EPS8: variants seen among roughly 807,000 people sequenced by gnomAD.
EPS8 encodes EGFR pathway substrate 8, signaling adaptor.
In EPS8, 42 loss-of-function variants were observed where a neutral mutation model predicts 103.8. The observed-to-expected ratio is 0.40, with a 90% CI of 0.32 to 0.52. The LOEUF (loss-of-function observed/expected upper bound fraction) is 0.52, where lower values mean the gene tolerates loss of function less well. Ranked by LOEUF, EPS8 falls within the 20% of genes least tolerant of loss-of-function variation. The pLI, the probability that EPS8 is intolerant of heterozygous loss-of-function variation, is 0.40. For missense variants in EPS8, 969 were observed against 1,005.1 expected, an observed-to-expected ratio of 0.96 and a Z score of 0.49; for synonymous variants, 344 against 344.6, an observed-to-expected ratio of 1.00 and a Z score of 0.02.
intron 1 of EPS8, among the ~76,000 whole-genome samples, chr12:15,744,153 A>T (rs1055591709): frequency 1.3e-5 from 2 of 152,238 alleles, no homozygotes; most frequent in African/African-American, 4.8e-5. Flanking sequence ...CAACAGACAC[A>T]TGAAAAAATG....
chr12:15,730,142 A>G (rs142247571), intron 1 of EPS8, among the ~76,000 whole-genome samples: 1 of 152,102 alleles, frequency 6.6e-6, no homozygotes, highest in Non-Finnish European at 1.5e-5. Context: ...ACTTTTCCTT[A>G]GTTTTGATAA....
intron 1 of EPS8, among the ~76,000 whole-genome samples, chr12:15,687,906 G>A (rs572694236): frequency 8.5e-5 from 13 of 152,262 alleles, no homozygotes; most frequent in African/African-American, 3.1e-4. Context: ...TCTATTTATT[G>A]AGTTTTAACT....
chr12:15,744,355 A>C (rs1946854698), intron 1 of EPS8, among the ~76,000 whole-genome samples: 1 of 152,170 alleles, frequency 6.6e-6, no homozygotes, highest in East Asian at 1.9e-4. Flanking sequence ...TCCTTATTTA[A>C]TTGGTCCTTC....
chr12:15,628,928 T>A (rs1379557587), intron 18 of EPS8, among the ~76,000 whole-genome samples: 1 of 152,206 alleles, frequency 6.6e-6, no homozygotes, highest in Non-Finnish European at 1.5e-5. Context: ...CAACATTCAT[T>A]CAGAGAAAAA....
intron 1 of EPS8, among the ~76,000 whole-genome samples, chr12:15,740,274 C>T (rs763297153): frequency 2.6e-5 from 4 of 152,190 alleles, no homozygotes; most frequent in South Asian, 4.1e-4. Flanking sequence ...AGGCTGGGAG[C>T]GGTGGCTCAC....
At chr12:15,665,530 C>G (rs1179967770) in intron 8 of EPS8, 3 of 484,590 alleles carry the variant, frequency 6.2e-6, no homozygotes, top group Non-Finnish European at 1.1e-5. Flanking sequence ...GGGGTTTCAT[C>G]ATATTGGTCA....
At chr12:15,742,196 C>G (rs1946831928) in intron 1 of EPS8, among the ~76,000 whole-genome samples, 1 of 152,196 alleles carries the variant, frequency 6.6e-6, no homozygotes, top group Admixed American at 6.5e-5. Flanking sequence ...GTCTTTATAG[C>G]AGCATGATTT....
rs573276070 is a variant in EPS8, at chr12:15,733,293, G to A, written c.-21-50321C>T. Among the ~76,000 whole-genome samples the A allele has an allele frequency of 4.9e-4, 74 of 152,262 alleles. No homozygotes were observed. The highest frequency in any genetic ancestry group is 1.7e-3 in the African/African-American group (71 of 41,552). ...CGTCTAACAGGTGAGAGGGGACAGT[G>A]TGTGAAGGAGGAACTGTCAAACACT... On this transcript the variant is annotated intron_variant, in intron 1 of 20. Coordinates refer to ENST00000281172, the MANE Select transcript of EPS8 (RefSeq NM_004447.6). The surrounding 1 kb of genome is among the most constrained non-coding windows in gnomAD (Gnocchi z 4.8).
intron 17 of EPS8, among the ~76,000 whole-genome samples, chr12:15,636,470 T>C (rs1011756534): frequency 6.6e-6 from 1 of 152,222 alleles, no homozygotes; most frequent in Non-Finnish European, 1.5e-5. Context: ...AATGTGAGGA[T>C]ATTAAATAGC....
At chr12:15,683,097 A>T in intron 1 of EPS8, 125 bp from the exon 2 acceptor site, 1 of 532,098 alleles carries the variant, frequency 1.9e-6, no homozygotes, top group African/African-American at 2.0e-5. Flanking sequence ...AAAGATAAAG[A>T]TCTCCACCCT....
intron 17 of EPS8, among the ~76,000 whole-genome samples, chr12:15,637,414 C>T (rs1188707728): frequency 6.6e-6 from 1 of 152,228 alleles, no homozygotes; most frequent in African/African-American, 2.4e-5. Context: ...CCAATCCTGG[C>T]TTCATACAGC....
intron 1 of EPS8, among the ~76,000 whole-genome samples, chr12:15,687,224 TAAAG>T (rs1317884136): frequency 9.2e-5 from 14 of 152,138 alleles, no homozygotes; most frequent in African/African-American, 3.4e-4. Flanking sequence ...GTACCATTGG[TAAAG>T]ACGGCACCAT....
rs1455755818 is a variant in EPS8 at position 15,785,119 on chromosome 12, C to A, written c.-22+4042G>T. ...AAACTTTAATGTATGCAAACGTAAG[C>A]AAATCATTTAGAAGGTCAAGGAATC... is the stretch of plus-strand genomic sequence containing the variant. On this transcript the variant is annotated intron_variant, in intron 1 of 20. Coordinates refer to ENST00000281172, the MANE Select transcript of EPS8 (RefSeq NM_004447.6). The surrounding 1 kb of genome is among the most constrained non-coding windows in gnomAD (Gnocchi z 4.9). Among the ~76,000 whole-genome samples, 1 of 152,026 alleles carries A rather than the reference C, an allele frequency of 6.6e-6. No individual in the cohort carries two copies. The highest frequency in any genetic ancestry group is 2.4e-5 in the African/African-American group (1 of 41,420).
intron 6 of EPS8, among the ~76,000 whole-genome samples, chr12:15,667,638 A>G (rs1237163493): frequency 2.0e-5 from 3 of 152,126 alleles, no homozygotes; most frequent in Non-Finnish European, 4.4e-5. Context: ...TTTACTGCAA[A>G]GGTGGGCAGG....
At chr12:15,694,142 T>C (rs1310160169) in intron 1 of EPS8, among the ~76,000 whole-genome samples, 1 of 152,170 alleles carries the variant, frequency 6.6e-6, no homozygotes, top group Non-Finnish European at 1.5e-5. Flanking sequence ...CATTAAGAAA[T>C]ATTTGTCAAT....
intron 3 of EPS8, among the ~76,000 whole-genome samples, chr12:15,677,278 G>A (rs80001659): frequency 0.01 from 1,574 of 152,144 alleles, 35 homozygotes; most frequent in African/African-American, 0.036. Context: ...AGGAAACTGG[G>A]GCCAATCATT....
chr12:15,665,805 A>G lies in EPS8; in HGVS notation c.687T>C (p.Val229=). 6.2e-7 allele frequency: 1 copy of G among 1,613,714 alleles called. No homozygotes were observed. Among genetic ancestry groups the G allele is most frequent in the Non-Finnish European group, 8.5e-7 (1 of 1,179,876 alleles). Residue 229 remains valine (V), a synonymous_variant, in exon 8 of 21, where the codon GTT becomes GTC. Transcript: ENST00000281172. ...APPGTVTQVD[V]RSRVAAWSAW... The stretch of plus-strand genomic sequence containing the variant: ...CAGACCAGGCTGCCACTCGACTTCT[A>G]ACATCCACCTGGGTGACGGTCCCAG...
chr12:15,663,980 C>CAA (rs1945663462), intron 8 of EPS8, among the ~76,000 whole-genome samples: 1 of 128,048 alleles, frequency 7.8e-6, no homozygotes, highest in African/African-American at 3.0e-5. Flanking sequence ...TATATATACA[C>CAA]ACACACATAT....
intron 1 of EPS8, among the ~76,000 whole-genome samples, chr12:15,687,679 G>C (rs1259900346): frequency 2.0e-5 from 3 of 152,130 alleles, no homozygotes; most frequent in Non-Finnish European, 4.4e-5. Flanking sequence ...GTGTTCATAG[G>C]AAGGGCTAAT....
Sources: allele counts gnomAD v4.1 joint callset (sites outside exome capture counted in the v4.1 genomes callset), GRCh38; gene constraint gnomAD v4.1.1; non-coding constraint Gnocchi (gnomAD v3.1); transcripts MANE v1.5; gene names NCBI Gene and HGNC (gene_info 2026-07-23, HGNC 2026-07-21).